ADGRG7: variants seen among roughly 807,000 people sequenced by gnomAD.
ADGRG7 encodes the protein G-protein coupled receptor 128.
ADGRG7 carries 82 observed loss-of-function variants against 88.6 expected under a neutral mutation model. The observed-to-expected ratio is 0.93, with a 90% CI of 0.77 to 1.11. The LOEUF (loss-of-function observed/expected upper bound fraction) is 1.11, where lower values mean the gene tolerates loss of function less well. ADGRG7 is among the 50% of genes most tolerant of loss of function. The pLI, the probability that ADGRG7 is intolerant of heterozygous loss-of-function variation, is 0.00. For missense variants in ADGRG7, 945 were observed against 953.4 expected (o/e 0.99, Z 0.12); for synonymous variants, 381 against 345.2 (o/e 1.10, Z -1.15).
rs754146834 is a variant in ADGRG7 at position 100,659,676 on chromosome 3, T to C, written c.1824-12T>C. The stretch of plus-strand genomic sequence containing the variant: ...CTTAGTCTGCTGAAGCAATTTTTTT[T>C]TTCCTCCACAGCTGCTGGCTGGCAA... On this transcript the variant is annotated splice_polypyrimidine_tract_variant and intron_variant, in intron 13 of 15. Coordinates refer to ENST00000273352, the MANE Select transcript of ADGRG7 (RefSeq NM_032787.3). 1 of 1,611,432 alleles carries C rather than the reference T, an allele frequency of 6.2e-7. No individual in the cohort carries two copies. Among genetic ancestry groups the C allele is most frequent in the Non-Finnish European group, 8.5e-7 (1 of 1,179,104 alleles).
intron 1 of ADGRG7, among the ~76,000 whole-genome samples, chr3:100,629,269 CT>C (rs1559672701): frequency 5.8e-5 from 4 of 68,804 alleles, no homozygotes; most frequent in Non-Finnish European, 3.7e-5. Context: ...CATGTTGACT[CT>C]ATCTATCTAT....
chr3:100,636,147 T>C (rs2149020007), intron 5 of ADGRG7, among the ~76,000 whole-genome samples: 1 of 152,178 alleles, frequency 6.6e-6, no homozygotes, highest in South Asian at 2.1e-4. Context: ...CTCTGCTTTC[T>C]GGATTCAGGG....
intron 3 of ADGRG7, among the ~76,000 whole-genome samples, chr3:100,631,326 C>T (rs528260767): frequency 2.6e-5 from 4 of 152,264 alleles, no homozygotes; most frequent in African/African-American, 9.6e-5. Flanking sequence ...TGTATAGAGG[C>T]ATTCAGAGAG....
intron 15 of ADGRG7, among the ~76,000 whole-genome samples, chr3:100,677,632 TTTTG>T (rs2094967201): frequency 6.6e-6 from 1 of 152,086 alleles, no homozygotes; most frequent in Non-Finnish European, 1.5e-5. Flanking sequence ...ATCCCTCAGT[TTTTG>T]TTTGTCTGGG....
At chr3:100,687,206 T>A (rs138072496) in intron 15 of ADGRG7, among the ~76,000 whole-genome samples, 1 of 152,360 alleles carries the variant, frequency 6.6e-6, no homozygotes, top group East Asian at 1.9e-4. Context: ...AGAATGCTTG[T>A]GATTTTTGCA....
chr3:100,629,796 C>T, intron 2 of ADGRG7, 85 bp downstream of exon 2: 5 of 841,736 alleles, frequency 5.9e-6, no homozygotes, highest in Non-Finnish European at 9.9e-6. Context: ...CTAGAAGCTT[C>T]AGTTAATGGT....
rs747950700 is a variant in ADGRG7 at position 100,694,942 on chromosome 3, TC to T, written c.2336del (p.Ser779PhefsTer22). ...LHERFRLLET[S>X]PSTEEITLSE... ...TGAACGCTTTAGGCTACTGGAAACC[TC>T]TCCGAGTACTGAGGAAATCACACTC... is the stretch of plus-strand genomic sequence containing the variant. On this transcript the variant is annotated frameshift_variant, in exon 16 of 16. Transcript: ENST00000273352. LOFTEE classifies it high-confidence loss of function. 12 of 1,614,154 alleles carry T rather than the reference TC, an allele frequency of 7.4e-6. No homozygotes were observed. The highest frequency in any genetic ancestry group is 1.0e-5 in the Non-Finnish European group (12 of 1,180,006).
chr3:100,665,549 G>A, intron 14 of ADGRG7: 1 of 398,536 alleles, frequency 2.5e-6, no homozygotes, highest in East Asian at 6.8e-5. Context: ...TCTTACATAT[G>A]TACTTTACAG....
At chr3:100,679,068 G>C (rs1016201619) in intron 15 of ADGRG7, among the ~76,000 whole-genome samples, 1 of 152,174 alleles carries the variant, frequency 6.6e-6, no homozygotes, top group Non-Finnish European at 1.5e-5. Flanking sequence ...CTGTCCCCAG[G>C]TCGGTCCAGA....
At chr3:100,635,919 T>C in intron 5 of ADGRG7, 93 bp downstream of exon 5, 1 of 897,310 alleles carries the variant, frequency 1.1e-6, no homozygotes, top group Non-Finnish European at 1.7e-6. Context: ...CCACTCCTTA[T>C]TCCACAATAT....
At chr3:100,656,539 A>G (rs938078685) in intron 13 of ADGRG7, among the ~76,000 whole-genome samples, 2 of 152,226 alleles carry the variant, frequency 1.3e-5, no homozygotes, top group Non-Finnish European at 2.9e-5. Flanking sequence ...GTTGTAACAG[A>G]AGCATCTGAC....
In ADGRG7 at chr3:100,685,188, G is replaced by C. The variant is rs891076968; in HGVS notation, c.2137-9556G>C. ...GTGGATAGTTGGTAAACATTAATGA[G>C]GACTTTTCTAGCTGACAATTTTTCT... is the stretch of plus-strand genomic sequence containing the variant. On this transcript the variant is annotated intron_variant, in intron 15 of 15. Coordinates refer to ENST00000273352, the MANE Select transcript of ADGRG7 (RefSeq NM_032787.3). Among the ~76,000 whole-genome samples the C allele has an allele frequency of 3.3e-5, 5 of 152,082 alleles. No individual in the cohort carries two copies. The South Asian group carries it at 1.0e-3, about 32-fold the overall frequency.
chr3:100,625,303 G>A (rs1434562129), intron 1 of ADGRG7, among the ~76,000 whole-genome samples: 1 of 152,042 alleles, frequency 6.6e-6, no homozygotes, highest in Non-Finnish European at 1.5e-5. Flanking sequence ...TAGAAATTGT[G>A]ATGGGAGTTC....
At chr3:100,641,152 T>A (rs763825237) in intron 6 of ADGRG7, among the ~76,000 whole-genome samples, 2 of 152,152 alleles carry the variant, frequency 1.3e-5, no homozygotes, top group Non-Finnish European at 2.9e-5. Flanking sequence ...TAAAGAGAGT[T>A]CGTTCAAGTG....
chr3:100,620,052 A>G (rs1411085164), intron 1 of ADGRG7, among the ~76,000 whole-genome samples: 1 of 152,218 alleles, frequency 6.6e-6, no homozygotes, highest in Non-Finnish European at 1.5e-5. Context: ...TCCCTAGCTC[A>G]TTTTATGAGG....
intron 1 of ADGRG7, among the ~76,000 whole-genome samples, chr3:100,628,076 G>A (rs1707405473): frequency 6.6e-6 from 1 of 151,918 alleles, no homozygotes; most frequent in South Asian, 2.1e-4. Flanking sequence ...TCAATTTCCA[G>A]TTGTTCTTGC....
intron 14 of ADGRG7, among the ~76,000 whole-genome samples, chr3:100,660,850 G>C (rs2094944347): frequency 6.6e-6 from 1 of 151,880 alleles, no homozygotes; most frequent in South Asian, 2.1e-4. Context: ...TACTTGGGAG[G>C]CTGAGGCAGG....
intron 1 of ADGRG7, among the ~76,000 whole-genome samples, chr3:100,623,627 G>T (rs927922906): frequency 6.6e-6 from 1 of 152,122 alleles, no homozygotes; most frequent in Non-Finnish European, 1.5e-5. Context: ...GTGGTTTGCT[G>T]CACCTATCAA....
chr3:100,614,579 A>G (rs562373543), intron 1 of ADGRG7, among the ~76,000 whole-genome samples: 1 of 152,156 alleles, frequency 6.6e-6, no homozygotes, highest in Non-Finnish European at 1.5e-5. Context: ...TTAAGAGTTA[A>G]CTTTATTGTC....
Sources: gnomAD v4.1 joint callset for allele counts (sites outside exome capture counted in the v4.1 genomes callset) on GRCh38, gnomAD v4.1.1 for gene constraint, MANE v1.5 for transcripts, NCBI Gene and HGNC (gene_info 2026-07-23, HGNC 2026-07-21) for gene names.